Variants in CIB2 observed in about 807,000 individuals in gnomAD.
CIB2 encodes calcium and integrin binding family member 2, also known as calcium and integrin-binding family member 2.
Under a neutral mutation model 23.1 loss-of-function variants are expected in CIB2, and 19 were observed. That is an observed-to-expected ratio of 0.82 (90% CI 0.57 to 1.21). The LOEUF is 1.21. Ranked by LOEUF, CIB2 falls within the 50% of genes most tolerant of loss-of-function variation. CIB2 has a pLI of 0.00. For synonymous variants in CIB2, 94 were observed against 91.7 expected, an observed-to-expected ratio of 1.03 and a Z score of -0.14; for missense variants, 220 against 241.5, an observed-to-expected ratio of 0.91 and a Z score of 0.59.
At chr15:78,110,448 A>G (rs574419678) in intron 3 of CIB2, among the ~76,000 whole-genome samples, 2 of 152,336 alleles carry the variant, frequency 1.3e-5, no homozygotes, top group East Asian at 3.9e-4. Flanking sequence ...GCAGGCCCCA[A>G]GTGGATGCCA....
intron 1 of CIB2, among the ~76,000 whole-genome samples, chr15:78,128,698 A>T (rs1381869513): frequency 6.6e-6 from 1 of 151,794 alleles, no homozygotes; most frequent in African/African-American, 2.4e-5. Context: ...CCGTCTCAAA[A>T]AAAAAAAAAA....
intron 2 of CIB2, among the ~76,000 whole-genome samples, chr15:78,121,660 G>T (rs1010745529): frequency 6.6e-6 from 1 of 152,098 alleles, no homozygotes; most frequent in African/African-American, 2.4e-5. Context: ...CTTTCCTGCC[G>T]CCATGTGAGG....
At chr15:78,109,567 A>C (rs2074124805) in intron 3 of CIB2, 185 bp from the exon 4 acceptor site, 2 of 670,508 alleles carry the variant, frequency 3.0e-6, no homozygotes, top group African/African-American at 3.6e-5. Flanking sequence ...GGATTAAATG[A>C]GCTAAAGTAT....
Position 78,106,071 on chromosome 15 carries a change from T to C in CIB2, c.347-137A>G, listed in dbSNP as rs527279097. 1.5e-3 allele frequency: 1,032 copies of C among 703,822 alleles called. 1 individual carries two copies. Among genetic ancestry groups the C allele is most frequent in the Admixed American group, 4.1e-3 (156 of 38,272 alleles). 43.6% of individuals were successfully genotyped at this position (703,822 alleles called of 1,614,324 possible). A position where few individuals can be genotyped will look rare whatever the true frequency, so the allele number is the denominator to read the frequency against. On this transcript the variant is annotated intron_variant, in intron 4 of 5. Transcript: ENST00000258930. ...CCCCAGAGCATCTCCATGCACACTC[T>C]TGGGATACTGGATCCCTGCCCCCAA...
rs796491912 is a variant in CIB2, at chr15:78,107,011, G to A, written c.347-1077C>T. On this transcript the variant is annotated intron_variant, in intron 4 of 5. Coordinates refer to ENST00000258930, the MANE Select transcript of CIB2 (RefSeq NM_006383.4). ...TGCGAGTCCGAGGTGGGTGGATCAC[G>A]AGGCCAGGAGATTGAGACCATCCTG... Among the ~76,000 whole-genome samples, 4 of 151,848 alleles carry A rather than the reference G, an allele frequency of 2.6e-5. No individual in the cohort carries two copies. In the South Asian group the frequency reaches 6.2e-4, roughly 24 times the overall value.
chr15:78,105,410 C>G, intron 5 of CIB2, 78 bp from the exon 6 acceptor site: 1 of 1,601,830 alleles, frequency 6.2e-7, no homozygotes, highest in Non-Finnish European at 8.5e-7. Flanking sequence ...AAAAGCACAG[C>G]AGGCCCCAGC....
rs11633444 is a variant in CIB2, at chr15:78,105,126, G to C, written c.*185C>G. On this transcript the variant is annotated 3_prime_UTR_variant, in exon 6 of 6. Transcript: ENST00000258930. ...TGGACCACAGCGGGGCTGTGGGAAG[G>C]GTCCTAACCTTCACAGGCCCCCTTC... 15,368 of 772,342 alleles carry C rather than the reference G, an allele frequency of 0.02. 217 individuals are homozygous for C. Among genetic ancestry groups the C allele is most frequent in the Middle Eastern group, 0.033 (91 of 2,742 alleles). 47.8% of individuals were successfully genotyped at this position (772,342 alleles called of 1,614,324 possible).
chr15:78,111,380 G>A (rs774928839), intron 2 of CIB2, 104 bp from the exon 3 acceptor site: 2 of 879,454 alleles, frequency 2.3e-6, no homozygotes, highest in Non-Finnish European at 3.5e-6. Flanking sequence ...AACATCCTCA[G>A]CCAGGACCAG....
rs562047037 is a variant in CIB2 at position 78,107,015 on chromosome 15, C to T, written c.347-1081G>A. 1.5e-4 allele frequency among the ~76,000 whole-genome samples: 23 copies of T among 151,818 alleles called. No individual in the cohort carries two copies. In the South Asian group the frequency reaches 3.5e-3, roughly 23 times the overall value. On this transcript the variant is annotated intron_variant, in intron 4 of 5. Coordinates refer to ENST00000258930, the MANE Select transcript of CIB2 (RefSeq NM_006383.4). Reference sequence around the variant, plus strand: ...AGTCCGAGGTGGGTGGATCACGAGGCCAGGAGATTGAGACCATCCTGGCTA... The same window carrying T: ...AGTCCGAGGTGGGTGGATCACGAGGTCAGGAGATTGAGACCATCCTGGCTA...
chr15:78,125,903 C>T (rs977563113), intron 1 of CIB2, among the ~76,000 whole-genome samples: 1 of 152,146 alleles, frequency 6.6e-6, no homozygotes, highest in African/African-American at 2.4e-5. Context: ...AACGTGCAAC[C>T]CAGGCTGAAA....
chr15:78,105,430 G>A, intron 5 of CIB2, 98 bp from the exon 6 acceptor site: 2 of 1,588,880 alleles, frequency 1.3e-6, no homozygotes, highest in South Asian at 1.1e-5. Flanking sequence ...CCCCATGCTG[G>A]ACAGTGCCTC....
At chr15:78,107,152 G>A (rs1024923390) in intron 4 of CIB2, among the ~76,000 whole-genome samples, 1 of 152,060 alleles carries the variant, frequency 6.6e-6, no homozygotes, top group South Asian at 2.1e-4. Flanking sequence ...GGAGAATGGC[G>A]TGAACCCAGG....
intron 3 of CIB2, among the ~76,000 whole-genome samples, chr15:78,110,909 C>G (rs2074148991): frequency 6.6e-6 from 1 of 152,132 alleles, no homozygotes; most frequent in African/African-American, 2.4e-5. Flanking sequence ...GGCCACTTAA[C>G]AAAGGGACAA....
intron 2 of CIB2, among the ~76,000 whole-genome samples, chr15:78,114,035 G>GT (rs1243191963): frequency 1.3e-5 from 2 of 152,198 alleles, no homozygotes; most frequent in Admixed American, 6.5e-5. Context: ...AGCAGTGTGG[G>GT]TAAGTGGGTT....
At chr15:78,111,305 G>C (rs763540423) in intron 2 of CIB2, 29 bp from the exon 3 acceptor site, 1 of 1,582,014 alleles carries the variant, frequency 6.3e-7, no homozygotes, top group Non-Finnish European at 8.7e-7. Context: ...AAAAGCGCTG[G>C]AGGGGGTGCC....
chr15:78,112,197 C>T (rs1490670054), intron 2 of CIB2, among the ~76,000 whole-genome samples: 2 of 152,158 alleles, frequency 1.3e-5, no homozygotes, highest in Non-Finnish European at 2.9e-5. Context: ...CTTTCTTTGC[C>T]CTATGTCCAC....
At chr15:78,121,885 T>C (rs1011131642) in intron 2 of CIB2, among the ~76,000 whole-genome samples, 1 of 152,214 alleles carries the variant, frequency 6.6e-6, no homozygotes, top group Non-Finnish European at 1.5e-5. Context: ...CTCTCTCCTC[T>C]TCCCCACACA....
chr15:78,105,320 G>T lies in CIB2; in HGVS notation c.555C>A (p.Ile185=). 1 of 1,614,092 alleles carries T rather than the reference G, an allele frequency of 6.2e-7. No individual in the cohort carries two copies. The change falls in exon 6 of 6, where the codon ATC becomes ATA. Residue 185 remains isoleucine, a synonymous_variant. Coordinates refer to ENST00000258930, the MANE Select transcript of CIB2 (RefSeq NM_006383.4). ...AGCCTCGGCAGTGTCCTCAGATCCG[G>T]ATGTGGAAAGTGCTAGAAAGAGAGA... ...KAPDFLSTFH[I]RI
intron 2 of CIB2, among the ~76,000 whole-genome samples, chr15:78,112,562 G>A (rs1030089565): frequency 1.3e-5 from 2 of 152,186 alleles, no homozygotes; most frequent in Non-Finnish European, 2.9e-5. Context: ...GCGAGACCCT[G>A]CCTCTAAAAA....
Sources: gnomAD v4.1 joint callset for allele counts (sites outside exome capture counted in the v4.1 genomes callset) on GRCh38, gnomAD v4.1.1 for gene constraint, MANE v1.5 for transcripts, NCBI Gene and HGNC (gene_info 2026-07-23, HGNC 2026-07-21) for gene names.